PUDP: variants seen among roughly 807,000 people sequenced by gnomAD.
PUDP encodes the protein pseudouridine-5'-phosphatase.
Under a neutral mutation model 9.4 loss-of-function variants are expected in PUDP, and 8 were observed. The observed-to-expected ratio is 0.85, with a 90% CI of 0.50 to 1.53. The LOEUF is 1.53. Ranked by LOEUF, PUDP falls within the 40% of genes most tolerant of loss-of-function variation. The probability of loss-of-function intolerance (pLI) is 0.00; values close to 1 mark genes in which losing one functional copy is unlikely to be tolerated. For synonymous variants in PUDP, 99 were observed against 80.7 expected (o/e 1.23, Z -1.22); for missense variants, 188 against 189.7 (o/e 0.99, Z 0.05).
chrX:6,938,742 C>T (rs985477418), intron 3 of PUDP, among the ~76,000 whole-genome samples: 1 of 108,188 alleles, frequency 9.2e-6, no homozygotes, highest in African/African-American at 3.3e-5. Context: ...AATTTAAGAA[C>T]CACCTGCCTA....
chrX:7,109,704 C>T (rs1931985067), intron 1 of PUDP, among the ~76,000 whole-genome samples: 1 of 111,997 alleles, frequency 8.9e-6, no homozygotes, highest in African/African-American at 3.3e-5. Context: ...CTCCTCAGAT[C>T]AAATGATAAC....
At chrX:6,954,488 T>C (rs974016983) in intron 3 of PUDP, among the ~76,000 whole-genome samples, 8 of 111,340 alleles carry the variant, frequency 7.2e-5, no homozygotes, top group Non-Finnish European at 1.1e-4. Context: ...CACTCTCATA[T>C]AGATGGCTCC....
At chrX:6,963,958 C>T (rs1304035127) in intron 3 of PUDP, among the ~76,000 whole-genome samples, 3 of 112,015 alleles carry the variant, frequency 2.7e-5, no homozygotes, top group Non-Finnish European at 5.6e-5. Flanking sequence ...GTTTTTCATT[C>T]GTCACATTTT....
rs1244203261 is a variant in PUDP at position 7,133,685 on chromosome X, AAGAC to A, written c.61+14364_61+14367del. On this transcript the variant is annotated intron_variant, in intron 1 of 3. Transcript: ENST00000381077. ...ACACTTGGCTGAGAAGAGAGGCAGAAAGACAGACAAGCCAGTTTCAAAACACGTC... is the reference window on the plus strand; with the variant it reads ...ACACTTGGCTGAGAAGAGAGGCAGAAAGACAAGCCAGTTTCAAAACACGTC... 2.7e-5 allele frequency among the ~76,000 whole-genome samples: 3 copies of A among 111,956 alleles called. No individual in the cohort carries two copies. The Admixed American group carries it at 2.8e-4, about 11-fold the overall frequency.
intron 1 of PUDP, among the ~76,000 whole-genome samples, chrX:7,000,139 A>AAGAGAG (rs10699067): frequency 3.8e-5 from 4 of 104,304 alleles, no homozygotes; most frequent in South Asian, 4.3e-4. Context: ...GAGAGAGGAA[A>AAGAGAG]AGAGAGAGAG....
intron 3 of PUDP, among the ~76,000 whole-genome samples, chrX:6,926,076 G>T (rs903078157): frequency 9.0e-6 from 1 of 111,652 alleles, no homozygotes; most frequent in Non-Finnish European, 1.9e-5. Context: ...ATCACATCAT[G>T]GCCGGGAACT....
chrX:7,037,187 C>T (rs187413378), intron 1 of PUDP, among the ~76,000 whole-genome samples: 2 of 111,850 alleles, frequency 1.8e-5, no homozygotes, highest in African/African-American at 3.2e-5. Flanking sequence ...TGGTTTCAGT[C>T]TGTTATCTCT....
chrX:6,822,289 G>A (rs7064804), intron 3 of PUDP, among the ~76,000 whole-genome samples: 2,977 of 111,878 alleles, frequency 0.027, 109 homozygotes, highest in African/African-American at 0.089. Flanking sequence ...CTCCGAAGAT[G>A]AAGAATCTGA....
chrX:6,821,176 A>G (rs907158751), intron 3 of PUDP, among the ~76,000 whole-genome samples: 2 of 110,955 alleles, frequency 1.8e-5, no homozygotes, highest in Admixed American at 9.5e-5. Context: ...TCACCCTACA[A>G]AGCAGCAAGA....
chrX:6,752,676 G>C (rs1327082574), intron 3 of PUDP, among the ~76,000 whole-genome samples: 2 of 111,433 alleles, frequency 1.8e-5, no homozygotes, highest in African/African-American at 3.3e-5. Context: ...TTGGATATAA[G>C]AAATAAGAAG....
intron 3 of PUDP, among the ~76,000 whole-genome samples, chrX:6,728,096 A>G (rs144368831): frequency 3.6e-3 from 396 of 111,548 alleles, no homozygotes; most frequent in African/African-American, 0.012. Context: ...GGCAGAAGGC[A>G]AAAGGCATGT....
intron 1 of PUDP, among the ~76,000 whole-genome samples, chrX:7,120,585 T>C (rs982605773): frequency 8.9e-6 from 1 of 112,670 alleles, no homozygotes; most frequent in Admixed American, 9.4e-5. Context: ...AGCAACTCTT[T>C]GGGCAGTTTC....
chrX:6,903,951 TA>T (rs1315535480), intron 3 of PUDP, among the ~76,000 whole-genome samples: 1 of 96,308 alleles, frequency 1.0e-5, no homozygotes, highest in Non-Finnish European at 2.2e-5. Context: ...AATATATATA[TA>T]TTTATTTTTT....
At chrX:7,086,553 A>G (rs1299691428) in intron 2 of PUDP, among the ~76,000 whole-genome samples, 2 of 112,232 alleles carry the variant, frequency 1.8e-5, no homozygotes, top group Non-Finnish European at 3.8e-5. Flanking sequence ...TTTACTGCAG[A>G]GCCATGCCTC....
intron 3 of PUDP, among the ~76,000 whole-genome samples, chrX:7,056,774 G>T (rs1029663122): frequency 1.8e-5 from 2 of 111,866 alleles, no homozygotes; most frequent in African/African-American, 6.5e-5. Flanking sequence ...CAGCGCTAGG[G>T]AATAGACAGA....
At chrX:6,744,492 T>C (rs920789317) in intron 3 of PUDP, among the ~76,000 whole-genome samples, 1 of 112,091 alleles carries the variant, frequency 8.9e-6, no homozygotes, top group Non-Finnish European at 1.9e-5. Flanking sequence ...AAAGTGTATA[T>C]ATTACCCTGG....
chrX:6,787,385 C>A (rs1462157829), intron 3 of PUDP, among the ~76,000 whole-genome samples: 4 of 112,247 alleles, frequency 3.6e-5, no homozygotes, highest in Non-Finnish European at 5.6e-5. Flanking sequence ...GATCACCTAG[C>A]AAAATGCATT....
At chrX:6,827,003 T>TTAGGGA (rs1926432981) in intron 3 of PUDP, among the ~76,000 whole-genome samples, 1 of 111,851 alleles carries the variant, frequency 8.9e-6, no homozygotes, top group Non-Finnish European at 1.9e-5. Context: ...GCAGTGATTG[T>TTAGGGA]TAGGGATTGT....
chrX:6,751,025 C>T (rs1172544154), intron 3 of PUDP, among the ~76,000 whole-genome samples: 1 of 109,716 alleles, frequency 9.1e-6, no homozygotes, highest in Non-Finnish European at 1.9e-5. Context: ...GCCTGTAGTC[C>T]CAGCTACTCG....
Sources: gnomAD v4.1 joint callset for allele counts (sites outside exome capture counted in the v4.1 genomes callset) on GRCh38, gnomAD v4.1.1 for gene constraint, MANE v1.5 for transcripts, NCBI Gene and HGNC (gene_info 2026-07-23, HGNC 2026-07-21) for gene names.